The following PTPN14 variants were observed in gnomAD, a reference collection of about 807,000 sequenced individuals.
PTPN14 encodes tyrosine-protein phosphatase non-receptor type 14.
PTPN14 carries 53 observed loss-of-function variants against 126.8 expected under a neutral mutation model. The ratio of observed to expected loss-of-function variants is 0.42; its 90% confidence interval spans 0.34 to 0.53. The LOEUF (loss-of-function observed/expected upper bound fraction) is 0.53. Among genes scored for constraint, PTPN14 ranks in the 20% least tolerant of loss-of-function variants. PTPN14 has a pLI of 0.08. For missense variants in PTPN14, 1,257 were observed against 1,552.9 expected (o/e 0.81, Z 3.20); for synonymous variants, 630 against 599.3 (o/e 1.05, Z -0.75).
intron 18 of PTPN14, among the ~76,000 whole-genome samples, chr1:214,360,192 A>G (rs77612816): frequency 6.6e-6 from 1 of 152,172 alleles, no homozygotes; most frequent in African/African-American, 2.4e-5. Flanking sequence ...TGACTTTGTA[A>G]CCTTTGAACC....
At chr1:214,407,971 A>G (rs1659209952) in intron 5 of PTPN14, among the ~76,000 whole-genome samples, 1 of 151,792 alleles carries the variant, frequency 6.6e-6, no homozygotes, top group South Asian at 2.1e-4. Flanking sequence ...ATGCTTTCTG[A>G]ACACCCAGGC....
At chr1:214,387,602 T>C (rs1292409549) in intron 11 of PTPN14, among the ~76,000 whole-genome samples, 1 of 146,940 alleles carries the variant, frequency 6.8e-6, no homozygotes, top group African/African-American at 2.5e-5. Flanking sequence ...TCGTTGAACC[T>C]GGGCGGCGGA....
At chr1:214,444,736 C>CA (rs1660106277) in intron 3 of PTPN14, among the ~76,000 whole-genome samples, 1 of 152,160 alleles carries the variant, frequency 6.6e-6, no homozygotes, top group South Asian at 2.1e-4. Context: ...TGCACACACA[C>CA]AGAGAGACAC....
At chr1:214,463,609 T>A (rs1660561137) in intron 2 of PTPN14, among the ~76,000 whole-genome samples, 1 of 152,152 alleles carries the variant, frequency 6.6e-6, no homozygotes, top group Non-Finnish European at 1.5e-5. Context: ...AGGAAGACCC[T>A]CCTGGGCCCC....
At chr1:214,494,084 CTTTT>C (rs1447663275) in intron 1 of PTPN14, among the ~76,000 whole-genome samples, 1 of 150,742 alleles carries the variant, frequency 6.6e-6, no homozygotes, top group Non-Finnish European at 1.5e-5. Flanking sequence ...CTTTTTTTTT[CTTTT>C]GAGACAGAGT....
chr1:214,491,609 G>C (rs1458412300), intron 1 of PTPN14, among the ~76,000 whole-genome samples: 1 of 152,190 alleles, frequency 6.6e-6, no homozygotes, highest in Non-Finnish European at 1.5e-5. Context: ...AGGAGGCAGA[G>C]CTCAGGCAGT....
chr1:214,387,000 C>A, intron 11 of PTPN14, 78 bp from the exon 12 acceptor site: 1 of 1,326,774 alleles, frequency 7.5e-7, no homozygotes, highest in Non-Finnish European at 1.1e-6. Context: ...CCCAGGCACA[C>A]GGCAGTCCCG....
At position 214,401,743 on chromosome 1, in the gene PTPN14, A is replaced by G; in HGVS notation, c.611T>C (p.Met204Thr). The change falls in exon 7 of 19, where the codon ATG becomes ACG. Residue 204 changes from methionine to threonine, a missense_variant. Met to Thr is a moderately conservative substitution (Grantham distance 81). This residue lies in a region of PTPN14 where 1,021 missense variants were observed against 1,183.3 expected (regional missense o/e 0.86). Transcript: ENST00000366956. ...CAAACGTTCAACTTCATTGATGTAC[A>G]TCAGTTCAGCTTCTGCTGGCAGGAT... is the stretch of plus-strand genomic sequence containing the variant. ...SGILPAEAEL[M>T]YINEVERLDG... is the part of the protein sequence containing the mutation. 1 of 1,594,252 alleles carries G rather than the reference A, an allele frequency of 6.3e-7. No homozygotes were observed. The highest frequency in any genetic ancestry group is 8.6e-7 in the Non-Finnish European group (1 of 1,163,274).
chr1:214,408,748 C>T (rs1364686713), intron 5 of PTPN14, among the ~76,000 whole-genome samples: 2 of 151,962 alleles, frequency 1.3e-5, no homozygotes, highest in Non-Finnish European at 2.9e-5. Flanking sequence ...AAAGGAAGAG[C>T]TCTCTGGGAA....
chr1:214,509,496 T>A (rs140446229), intron 1 of PTPN14, among the ~76,000 whole-genome samples: 2 of 152,356 alleles, frequency 1.3e-5, no homozygotes, highest in East Asian at 3.9e-4. Context: ...TGGTTCAATC[T>A]ATCCAGACCA....
intron 3 of PTPN14, among the ~76,000 whole-genome samples, chr1:214,447,600 T>C: frequency 6.6e-6 from 1 of 152,102 alleles, no homozygotes; most frequent in Non-Finnish European, 1.5e-5. Context: ...TTCCTCCATA[T>C]TCCCAGCTTA....
chr1:214,477,664 G>C (rs1037086404), intron 1 of PTPN14, among the ~76,000 whole-genome samples: 1 of 152,152 alleles, frequency 6.6e-6, no homozygotes, highest in Non-Finnish European at 1.5e-5. Flanking sequence ...GGCCTCTAGA[G>C]ATGAGATACT....
At chr1:214,532,640 A>C in intron 1 of PTPN14, 4 of 881,758 alleles carry the variant, frequency 4.5e-6, no homozygotes, top group Non-Finnish European at 7.7e-6. Flanking sequence ...ATCGTTCTGC[A>C]GACTGACAAT....
intron 1 of PTPN14, among the ~76,000 whole-genome samples, chr1:214,482,303 G>T (rs1661008216): frequency 1.5e-5 from 1 of 68,242 alleles, no homozygotes; most frequent in African/African-American, 5.5e-5. Context: ...CAGGCAAACA[G>T]AAAGGTGCTT....
intron 15 of PTPN14, among the ~76,000 whole-genome samples, chr1:214,374,788 G>A (rs1021487169): frequency 1.3e-5 from 2 of 152,198 alleles, no homozygotes; most frequent in African/African-American, 2.4e-5. Flanking sequence ...AACAATGCCC[G>A]ATGGGCACAG....
chr1:214,533,075 G>C lies in PTPN14; in HGVS notation c.-155+18108C>G, dbSNP rs553486704. The C allele has an allele frequency of 1.5e-5, 11 of 740,614 alleles. No homozygotes were observed. The East Asian group carries it at 2.7e-4, about 18-fold the overall frequency. The allele number at this position is 740,614 out of a possible 1,614,324, so 45.9% of individuals were successfully genotyped here. A position where few individuals can be genotyped will look rare whatever the true frequency, so the allele number is the denominator to read the frequency against. On this transcript the variant is annotated intron_variant, in intron 1 of 18. Transcript: ENST00000366956. ...GCTGAGATGACACTCACGGAGCTGG[G>C]ACGTACGGTCCAGTCCTTGGAGATC...
chr1:214,450,899 C>T (rs1345172819), intron 3 of PTPN14, among the ~76,000 whole-genome samples: 3 of 152,216 alleles, frequency 2.0e-5, no homozygotes, highest in Non-Finnish European at 4.4e-5. Flanking sequence ...AGGCAGCACA[C>T]GGTTTCTCCA....
chr1:214,422,587 C>T (rs553179840), intron 3 of PTPN14, among the ~76,000 whole-genome samples: 16 of 152,280 alleles, frequency 1.1e-4, no homozygotes, highest in Admixed American at 4.6e-4. Context: ...ATCTGGAAGC[C>T]GGGTGAGTCA....
intron 3 of PTPN14, among the ~76,000 whole-genome samples, chr1:214,435,637 A>G (rs1471133961): frequency 6.6e-6 from 1 of 152,264 alleles, no homozygotes; most frequent in Non-Finnish European, 1.5e-5. Flanking sequence ...GCCAACAAGC[A>G]TAAGAAAAAA....
Sources: allele counts gnomAD v4.1 joint callset (sites outside exome capture counted in the v4.1 genomes callset), GRCh38; gene constraint gnomAD v4.1.1; regional missense constraint gnomAD v4.1.1; transcripts MANE v1.5; gene names NCBI Gene and HGNC (gene_info 2026-07-23, HGNC 2026-07-21).